Variants in KIAA1217 observed in about 807,000 individuals in gnomAD.
KIAA1217 encodes KIAA1217.
Under a neutral mutation model 163.9 loss-of-function variants are expected in KIAA1217, and 88 were observed. The observed-to-expected ratio is 0.54, with a 90% CI of 0.45 to 0.64. The LOEUF (loss-of-function observed/expected upper bound fraction) is 0.64, where lower values mean the gene tolerates loss of function less well. Ranked by LOEUF, KIAA1217 falls within the 30% of genes least tolerant of loss-of-function variation. KIAA1217 has a pLI of 0.00. For missense variants in KIAA1217, 2,372 were observed against 2,475.0 expected (o/e 0.96, Z 0.88); for synonymous variants, 903 against 923.1 (o/e 0.98, Z 0.39).
intron 2 of KIAA1217, among the ~76,000 whole-genome samples, chr10:24,378,396 G>A (rs959976106): frequency 5.3e-5 from 8 of 151,878 alleles, no homozygotes; most frequent in East Asian, 3.9e-4. Flanking sequence ...AGCAACCCTC[G>A]CACCTCCCTC....
chr10:24,102,376 G>C (rs1340612710), intron 2 of KIAA1217, among the ~76,000 whole-genome samples: 1 of 152,154 alleles, frequency 6.6e-6, no homozygotes, highest in African/African-American at 2.4e-5. Flanking sequence ...AAGCTCTGAT[G>C]AAAGAAATCA....
At chr10:24,276,672 C>T (rs972590147) in intron 2 of KIAA1217, among the ~76,000 whole-genome samples, 4 of 150,782 alleles carry the variant, frequency 2.7e-5, no homozygotes, top group East Asian at 2.0e-4. Flanking sequence ...TGCAGTGGCG[C>T]GATCTCGGCT....
intron 3 of KIAA1217, among the ~76,000 whole-genome samples, chr10:24,421,989 T>C (rs1433718034): frequency 6.6e-6 from 1 of 152,168 alleles, no homozygotes; most frequent in African/African-American, 2.4e-5. Context: ...AGAAAAGAAG[T>C]TTAATGGACT....
chr10:23,697,791 C>G (rs962639224), intron 1 of KIAA1217, among the ~76,000 whole-genome samples: 1 of 151,616 alleles, frequency 6.6e-6, no homozygotes, highest in Non-Finnish European at 1.5e-5. Flanking sequence ...GTGGGAAGAT[C>G]GCTTGAGCCC....
chr10:23,981,142 C>G (rs1187941955), intron 1 of KIAA1217, among the ~76,000 whole-genome samples: 1 of 152,108 alleles, frequency 6.6e-6, no homozygotes, highest in Non-Finnish European at 1.5e-5. Context: ...ACTCAGGTAG[C>G]AATGATTTGA....
Position 23,719,244 on chromosome 10 carries a change from A to G in KIAA1217, c.-321+24010A>G, listed in dbSNP as rs1387515237. On this transcript the variant is annotated intron_variant, in intron 1 of 18. Coordinates refer to the KIAA1217 transcript ENST00000376462. ...AGCCATAGAAATGAAGCACTGATACATGCTACAGTATGATGAAGCCCCAAA... is the reference window on the plus strand; with the variant it reads ...AGCCATAGAAATGAAGCACTGATACGTGCTACAGTATGATGAAGCCCCAAA... 2.0e-5 allele frequency among the ~76,000 whole-genome samples: 3 copies of G among 152,200 alleles called. No individual in the cohort carries two copies. The East Asian group carries it at 5.8e-4, about 29-fold the overall frequency.
chr10:24,490,756 A>G (rs1475377648), intron 6 of KIAA1217, among the ~76,000 whole-genome samples: 14 of 152,150 alleles, frequency 9.2e-5, no homozygotes, highest in Non-Finnish European at 2.1e-4. Flanking sequence ...CTTCCCCTCT[A>G]CTGTCAAGCA....
intron 1 of KIAA1217, among the ~76,000 whole-genome samples, chr10:23,874,360 C>T (rs1183308839): frequency 6.6e-6 from 1 of 151,944 alleles, no homozygotes; most frequent in Non-Finnish European, 1.5e-5. Flanking sequence ...TGGGATAACT[C>T]TTTACTATTT....
At chr10:24,086,108 C>T (rs1282809914) in intron 2 of KIAA1217, among the ~76,000 whole-genome samples, 2 of 152,072 alleles carry the variant, frequency 1.3e-5, no homozygotes, top group African/African-American at 4.8e-5. Context: ...ATTGGAGCAC[C>T]ACACCTGAGC....
chr10:24,252,435 C>G (rs2074661193), intron 2 of KIAA1217, among the ~76,000 whole-genome samples: 1 of 151,990 alleles, frequency 6.6e-6, no homozygotes, highest in Non-Finnish European at 1.5e-5. Flanking sequence ...AAAAAATTAG[C>G]CAGGCATGCT....
chr10:24,538,091 A>G (rs971614388), intron 17 of KIAA1217, among the ~76,000 whole-genome samples: 2 of 152,228 alleles, frequency 1.3e-5, no homozygotes, highest in Non-Finnish European at 2.9e-5. Flanking sequence ...AGAGAGCCCA[A>G]TAGCTACTAC....
chr10:23,700,783 A>G (rs1836391046), intron 1 of KIAA1217, among the ~76,000 whole-genome samples: 1 of 152,220 alleles, frequency 6.6e-6, no homozygotes, highest in Non-Finnish European at 1.5e-5. Flanking sequence ...TTTAAATTAC[A>G]TCCATCTAAC....
intron 2 of KIAA1217, among the ~76,000 whole-genome samples, chr10:24,221,297 A>G (rs930227363): frequency 1.4e-5 from 2 of 141,442 alleles, no homozygotes; most frequent in Non-Finnish European, 3.1e-5. Flanking sequence ...GAGTTACCAG[A>G]TTGACCTTTG....
chr10:23,988,261 C>T (rs532722660), intron 1 of KIAA1217, among the ~76,000 whole-genome samples: 88 of 152,302 alleles, frequency 5.8e-4, no homozygotes, highest in African/African-American at 2.0e-3. Flanking sequence ...ATTGTTGCTC[C>T]GCGAGCAGGC....
intron 12 of KIAA1217, 48 bp downstream of exon 12, chr10:24,521,977 T>A (rs2071362466): frequency 6.3e-7 from 1 of 1,577,284 alleles, no homozygotes; most frequent in Non-Finnish European, 8.6e-7. Context: ...AGGGGTGCAC[T>A]GGGAAACCGA....
chr10:23,768,052 C>T (rs1209754756), intron 1 of KIAA1217, among the ~76,000 whole-genome samples: 3 of 152,220 alleles, frequency 2.0e-5, no homozygotes, highest in Admixed American at 6.5e-5. Context: ...GGAGAAGTTA[C>T]CTCCCAGTTA....
chr10:23,955,007 GATA>G (rs943246922), intron 1 of KIAA1217, among the ~76,000 whole-genome samples: 10 of 152,044 alleles, frequency 6.6e-5, no homozygotes, highest in Admixed American at 3.3e-4. Flanking sequence ...GTAAAAGGAA[GATA>G]ATAATAATAA....
At chr10:24,241,519 C>A (rs2073095585) in intron 2 of KIAA1217, among the ~76,000 whole-genome samples, 1 of 152,126 alleles carries the variant, frequency 6.6e-6, no homozygotes, top group Non-Finnish European at 1.5e-5. Flanking sequence ...TGAAATTTTT[C>A]TTGGCCATAC....
intron 2 of KIAA1217, among the ~76,000 whole-genome samples, chr10:24,170,541 G>A (rs1009835474): frequency 6.6e-5 from 10 of 152,256 alleles, no homozygotes; most frequent in Admixed American, 2.0e-4. Flanking sequence ...CACTACGAAG[G>A]CCAAGGATGG....
Sources: gnomAD v4.1 joint callset for allele counts (sites outside exome capture counted in the v4.1 genomes callset) on GRCh38, gnomAD v4.1.1 for gene constraint, MANE v1.5 for transcripts, NCBI Gene and HGNC (gene_info 2026-07-23, HGNC 2026-07-21) for gene names.